BIRC7: variants seen among roughly 807,000 people sequenced by gnomAD.
BIRC7 encodes baculoviral IAP repeat-containing protein 7.
Under a neutral mutation model 33.2 loss-of-function variants are expected in BIRC7, and 26 were observed. The ratio of observed to expected loss-of-function variants is 0.78; its 90% CI spans 0.57 to 1.09. The LOEUF is 1.09. BIRC7 is among the 50% of genes least tolerant of loss of function. BIRC7 has a pLI of 0.00. For missense variants in BIRC7, 409 were observed against 401.2 expected (o/e 1.02, Z -0.17); for synonymous variants, 176 against 171.0 (o/e 1.03, Z -0.23).
At chr20:63,239,805 C>G (rs1184879176) in intron 6 of BIRC7, among the ~76,000 whole-genome samples, 195 bp downstream of exon 6, 31 of 152,230 alleles carry the variant, frequency 2.0e-4, no homozygotes, top group East Asian at 1.9e-4. Context: ...GGGCCTGGTC[C>G]TTCGGGCACC....
At chr20:63,238,922 A>C in intron 4 of BIRC7, 1 of 627,440 alleles carries the variant, frequency 1.6e-6, no homozygotes, top group Non-Finnish European at 2.8e-6. Context: ...AGCTACTGCC[A>C]GATGGGCAGG....
At chr20:63,240,074 C>A (rs1163652996) in intron 6 of BIRC7, among the ~76,000 whole-genome samples, 182 bp from the exon 7 acceptor site, 1 of 152,236 alleles carries the variant, frequency 6.6e-6, no homozygotes, top group Non-Finnish European at 1.5e-5. Context: ...CCCATACTGG[C>A]CGAGGGACAG....
chr20:63,238,566 C>T lies in BIRC7; in HGVS notation c.532-3C>T. The T allele has an allele frequency of 6.2e-7, 1 of 1,613,200 alleles. No homozygotes were observed. The highest frequency in any genetic ancestry group is 8.5e-7 in the Non-Finnish European group (1 of 1,179,990). On this transcript the variant is annotated splice_region_variant and splice_polypyrimidine_tract_variant and intron_variant, in intron 3 of 6. Transcript: ENST00000217169. ...AGGCCTGATGGTCTCTGGCTCCTTC[C>T]AGGACCCGTGGGAAGAACCGGAAGA...
chr20:63,239,737 T>A, intron 6 of BIRC7, 127 bp downstream of exon 6: 1 of 1,291,564 alleles, frequency 7.7e-7, no homozygotes, highest in Non-Finnish European at 1.0e-6. Context: ...TTTACCCGGC[T>A]CCCAGGTCCC....
Position 63,236,330 on chromosome 20 carries a change from G to A in BIRC7, c.234G>A (p.Gly78=). The A allele has an allele frequency of 1.9e-6, 3 of 1,605,706 alleles. No individual in the cohort carries two copies. Among genetic ancestry groups the A allele is most frequent in the Non-Finnish European group, 2.6e-6 (3 of 1,174,812 alleles). ...GCGCCGGGGCCACCTTGTCCAGGGG[G>A]CCTGCCTTCCCCGGCATGGGCTCTG... ...EEGAGATLSR[G]PAFPGMGSEE... Residue 78 remains glycine (G), a synonymous_variant, in exon 1 of 7, where the codon GGG becomes GGA. Transcript: ENST00000217169.
In BIRC7 at chr20:63,236,206, G is replaced by A; in HGVS notation, c.110G>A (p.Ser37Asn). The A allele has an allele frequency of 6.3e-7, 1 of 1,589,656 alleles. No homozygotes were observed. The highest frequency in any genetic ancestry group is 8.6e-7 in the Non-Finnish European group (1 of 1,167,430). ...CGCTGTGGACCCCGCTCTCTGGGCA[G>A]CCCTGTCCTAGGCCTGGACACCTGC... ...QERCGPRSLG[S>N]PVLGLDTCRA... The change falls in exon 1 of 7, where the codon AGC becomes AAC. Residue 37 changes from serine to asparagine, a missense_variant. Ser to Asn is a conservative substitution (Grantham distance 46, BLOSUM62 1). Coordinates refer to ENST00000217169, the MANE Select transcript of BIRC7 (RefSeq NM_139317.3).
Position 63,236,280 on chromosome 20 carries a change from C to T in BIRC7, c.184C>T (p.Leu62=). The change falls in exon 1 of 7, where the codon CTG becomes TTG. Residue 62 remains leucine (L), a synonymous_variant. Coordinates refer to ENST00000217169, the MANE Select transcript of BIRC7 (RefSeq NM_139317.3). ...DGQILGQLRP[L]TEEEEEEGAG... ...GCAGATCCTGGGCCAGCTGCGGCCC[C>T]TGACAGAGGAGGAAGAGGAGGAGGG... is the stretch of plus-strand genomic sequence containing the variant. 4.3e-6 allele frequency: 7 copies of T among 1,611,104 alleles called. No homozygotes were observed. The highest frequency in any genetic ancestry group is 5.9e-6 in the Non-Finnish European group (7 of 1,179,172).
rs1463392910 is a variant in BIRC7, at chr20:63,238,552, T to C, written c.532-17T>C. On this transcript the variant is annotated splice_polypyrimidine_tract_variant and intron_variant, in intron 3 of 6. Transcript: ENST00000217169. ...CTCCTATTTCCCCAAGGCCTGATGG[T>C]CTCTGGCTCCTTCCAGGACCCGTGG... The C allele has an allele frequency of 3.7e-6, 6 of 1,613,016 alleles. No homozygotes were observed. The highest frequency in any genetic ancestry group is 1.3e-5 in the African/African-American group (1 of 74,922).
intron 4 of BIRC7, 31 bp from the exon 5 acceptor site, chr20:63,239,131 T>C (rs2066713232): frequency 6.2e-7 from 1 of 1,603,816 alleles, no homozygotes; most frequent in Non-Finnish European, 8.5e-7. Context: ...CCTTGGGAGT[T>C]AGGCCTCAAG....
chr20:63,236,365 G>A lies in BIRC7; in HGVS notation c.269G>A (p.Arg90His), dbSNP rs139712930. 1,776 of 1,591,584 alleles carry A rather than the reference G, an allele frequency of 1.1e-3. 1 individual carries two copies. The highest frequency in any genetic ancestry group is 1.5e-3 in the Admixed American group (86 of 58,840). Residue 90 changes from arginine to histidine, a missense_variant, in exon 1 of 7, where the codon CGT (arginine) becomes CAT (histidine). By Grantham distance (29) the Arg-to-His change is conservative. Coordinates refer to ENST00000217169, the MANE Select transcript of BIRC7 (RefSeq NM_139317.3). ...CCCGGCATGGGCTCTGAGGAGTTGC[G>A]TCTGGCCTCCTTCTATGACTGGCCG... is the stretch of plus-strand genomic sequence containing the variant. ...AFPGMGSEEL[R>H]LASFYDWPLT...
chr20:63,238,848 C>CT, intron 4 of BIRC7: 1 of 651,842 alleles, frequency 1.5e-6, no homozygotes, highest in Non-Finnish European at 2.6e-6. Flanking sequence ...CAGCTTACCC[C>CT]TTGGGCACAG....
At chr20:63,238,030 G>C in intron 2 of BIRC7, 28 bp downstream of exon 2, 3 of 1,552,214 alleles carry the variant, frequency 1.9e-6, no homozygotes, top group Non-Finnish European at 2.6e-6. Flanking sequence ...GGGGCCCCGG[G>C]TCTGATCATG....
rs2066686725 is a variant in BIRC7, at chr20:63,236,161, G to A, written c.65G>A (p.Gly22Asp). Residue 22 changes from glycine to aspartate, a missense_variant, in exon 1 of 7, where the codon GGT becomes GAT. Gly to Asp is a moderately conservative substitution (Grantham distance 94, BLOSUM62 -1). Transcript: ENST00000217169. ...RGPQPSHWAA[G>D]DGPTQERCGP... ...CCACAGCCGAGCCACTGGGCAGCCG[G>A]TGATGGTCCCACGCAGGAGCGCTGT... The A allele has an allele frequency of 6.3e-7, 1 of 1,592,708 alleles. No individual in the cohort carries two copies. The highest frequency in any genetic ancestry group is 8.6e-7 in the Non-Finnish European group (1 of 1,169,178).
chr20:63,237,300 C>T (rs1452443485), intron 1 of BIRC7, among the ~76,000 whole-genome samples: 1 of 152,222 alleles, frequency 6.6e-6, no homozygotes, highest in Non-Finnish European at 1.5e-5. Context: ...AGAGGCATGG[C>T]AGGTGCAGAG....
At chr20:63,239,257 TGAGGGCTGGGGCAGGG>T in intron 5 of BIRC7, 24 bp downstream of exon 5, 2 of 1,586,088 alleles carry the variant, frequency 1.3e-6, no homozygotes, top group South Asian at 2.2e-5. Flanking sequence ...ACCCCCTGGG[TGAGGGCTGGGGCAGGG>T]GAGGGCTGAG....
At chr20:63,238,868 T>C (rs744592) in intron 4 of BIRC7, 291,465 of 631,142 alleles carry the variant, frequency 0.46, 68,338 homozygotes, top group East Asian at 0.54. Context: ...GCCCATTGCC[T>C]GTCGCCATAC....
intron 6 of BIRC7, among the ~76,000 whole-genome samples, 198 bp downstream of exon 6, chr20:63,239,808 C>A (rs891618813): frequency 2.0e-5 from 3 of 152,220 alleles, no homozygotes; most frequent in Admixed American, 6.5e-5. Flanking sequence ...CCTGGTCCTT[C>A]GGGCACCGTG....
chr20:63,237,657 C>T (rs946556315), intron 1 of BIRC7, among the ~76,000 whole-genome samples: 2 of 152,158 alleles, frequency 1.3e-5, no homozygotes, highest in Non-Finnish European at 2.9e-5. Flanking sequence ...CAAATGCCAG[C>T]TCAGTCCTTT....
At chr20:63,238,773 A>G (rs756178855) in intron 4 of BIRC7, 159 bp downstream of exon 4, 1 of 893,952 alleles carries the variant, frequency 1.1e-6, no homozygotes, top group East Asian at 2.8e-5. Context: ...GGGCTGTGCC[A>G]TGTGAGGGTG....
Sources: allele counts gnomAD v4.1 joint callset (sites outside exome capture counted in the v4.1 genomes callset), GRCh38; gene constraint gnomAD v4.1.1; transcripts MANE v1.5; gene names NCBI Gene and HGNC (gene_info 2026-07-23, HGNC 2026-07-21).